Variants in ITK observed in about 807,000 individuals in gnomAD.
ITK encodes the protein IL2 inducible T cell kinase, also known as tyrosine-protein kinase ITK/TSK.
Under a neutral mutation model 87.6 loss-of-function variants are expected in ITK, and 45 were observed. The observed-to-expected ratio is 0.51, with a 90% confidence interval of 0.40 to 0.66. ITK has a LOEUF of 0.66. ITK is among the 30% of genes least tolerant of loss of function. The pLI is 0.00. For synonymous variants in ITK, 303 were observed against 273.6 expected, an observed-to-expected ratio of 1.11 and a Z score of -1.06; for missense variants, 605 against 766.3, an observed-to-expected ratio of 0.79 and a Z score of 2.48.
chr5:157,194,805 G>A (rs1378560166), intron 1 of ITK, among the ~76,000 whole-genome samples: 1 of 152,162 alleles, frequency 6.6e-6, no homozygotes, highest in Non-Finnish European at 1.5e-5. Context: ...GAAAAAATAA[G>A]TCAATTGAAA....
rs939438122 is a variant in ITK at position 157,208,359 on chromosome 5, G to A, written c.139-530G>A. Among the ~76,000 whole-genome samples, 6 of 152,236 alleles carry A rather than the reference G, an allele frequency of 3.9e-5. No homozygotes were observed. In the South Asian group the frequency reaches 8.3e-4, roughly 21 times the overall value. On this transcript the variant is annotated intron_variant, in intron 1 of 16. Transcript: ENST00000422843. ...GGAGGTTGGGGAGGACATGGAGAAG[G>A]GATAGTTATAGATCAGAGTCAGGAA...
At chr5:157,215,321 T>A (rs1754277341) in intron 4 of ITK, among the ~76,000 whole-genome samples, 1 of 152,202 alleles carries the variant, frequency 6.6e-6, no homozygotes, top group African/African-American at 2.4e-5. Flanking sequence ...TACTGAAAAT[T>A]GGCAACCCAA....
intron 10 of ITK, 178 bp downstream of exon 10, chr5:157,240,373 A>T: frequency 1.5e-6 from 1 of 656,858 alleles, no homozygotes; most frequent in African/African-American, 1.8e-5. Context: ...CCTTATAAGA[A>T]TCAAATGCCT....
At position 157,211,202 on chromosome 5, in the gene ITK, C is replaced by A. The variant is rs912915751; in HGVS notation, c.244-85C>A. On this transcript the variant is annotated intron_variant, in intron 2 of 16. Coordinates refer to ENST00000422843, the MANE Select transcript of ITK (RefSeq NM_005546.4). ...CCTATATGACGATAAACACCCGAGA[C>A]CCCACTCTCGGCTCAGTAGGTCTGC... The A allele has an allele frequency of 8.2e-5, 90 of 1,098,686 alleles. 1 individual carries two copies. In the Middle Eastern group the frequency reaches 1.7e-3, roughly 20 times the overall value. 68.1% of individuals were successfully genotyped at this position (1,098,686 alleles called of 1,614,324 possible). A position where few individuals can be genotyped will look rare whatever the true frequency, so the allele number is the denominator to read the frequency against.
At chr5:157,206,763 A>G (rs1020710898) in intron 1 of ITK, among the ~76,000 whole-genome samples, 3 of 151,904 alleles carry the variant, frequency 2.0e-5, no homozygotes, top group African/African-American at 7.3e-5. Context: ...GTTTAATTGG[A>G]TCTTCCTTCT....
rs1046746119 is a variant in ITK, at chr5:157,224,802, A to G, written c.647+1788A>G. Among the ~76,000 whole-genome samples the G allele has an allele frequency of 3.3e-5, 5 of 152,234 alleles. No homozygotes were observed. The South Asian group carries it at 1.0e-3, about 32-fold the overall frequency. On this transcript the variant is annotated intron_variant, in intron 6 of 16. Transcript: ENST00000422843. Reference sequence around the variant, plus strand: ...TCTCAAAAATAATCATAATAATAATAATTGCACAATCTTAGAATGTATGAT... The same window carrying G: ...TCTCAAAAATAATCATAATAATAATGATTGCACAATCTTAGAATGTATGAT...
At chr5:157,204,111 A>C (rs1754031098) in intron 1 of ITK, among the ~76,000 whole-genome samples, 1 of 152,156 alleles carries the variant, frequency 6.6e-6, no homozygotes, top group Non-Finnish European at 1.5e-5. Flanking sequence ...TATGGGCCCA[A>C]GTGATTCTCC....
Position 157,221,813 on chromosome 5 carries a change from C to CCATTTA in ITK, c.496-1047_496-1042dup, listed in dbSNP as rs1337072657. ...GCCATCCACTCTTGTCCATAGCACC[C>CCATTTA]CATTTACACATCCTCACAAGCTCCA... is the stretch of plus-strand genomic sequence containing the variant. On this transcript the variant is annotated intron_variant, in intron 5 of 16. Coordinates refer to ENST00000422843, the MANE Select transcript of ITK (RefSeq NM_005546.4). 2.0e-5 allele frequency among the ~76,000 whole-genome samples: 3 copies of CCATTTA among 152,206 alleles called. No individual in the cohort carries two copies. In the East Asian group the frequency reaches 5.8e-4, roughly 29 times the overall value.
intron 1 of ITK, among the ~76,000 whole-genome samples, chr5:157,206,138 A>G (rs1754075211): frequency 6.6e-6 from 1 of 151,846 alleles, no homozygotes; most frequent in African/African-American, 2.4e-5. Context: ...AATTTTTTGT[A>G]GAAACAGAGT....
intron 1 of ITK, among the ~76,000 whole-genome samples, chr5:157,207,372 C>A: frequency 7.9e-6 from 1 of 126,468 alleles, no homozygotes; most frequent in Admixed American, 8.5e-5. Context: ...TATCTAGATA[C>A]GTCTCTTTTT....
At chr5:157,221,974 G>T (rs1754427409) in intron 5 of ITK, among the ~76,000 whole-genome samples, 1 of 151,888 alleles carries the variant, frequency 6.6e-6, no homozygotes, top group Admixed American at 6.6e-5. Context: ...AACATAGTGA[G>T]ACCCTGTCTC....
At chr5:157,189,803 C>T (rs1019666458) in intron 1 of ITK, among the ~76,000 whole-genome samples, 3 of 152,216 alleles carry the variant, frequency 2.0e-5, no homozygotes, top group Admixed American at 1.3e-4. Flanking sequence ...TAAAGCTCTT[C>T]GCAAATGTTC....
In ITK at chr5:157,243,793, A is replaced by G; in HGVS notation, c.1231A>G (p.Met411Val). 1 of 1,613,620 alleles carries G rather than the reference A, an allele frequency of 6.2e-7. No individual in the cohort carries two copies. Among genetic ancestry groups the G allele is most frequent in the Non-Finnish European group, 8.5e-7 (1 of 1,179,636 alleles). Reference protein sequence around the residue: ...EDFIEEAEVMMKLSHPKLVQL... With the variant: ...EDFIEEAEVMVKLSHPKLVQL... The stretch of plus-strand genomic sequence containing the variant: ...CTTCATAGAGGAGGCTGAAGTAATG[A>G]TGTGAGTGCTCAGAACAAGGATATG... The change falls in exon 12 of 17, where the codon ATG (methionine) becomes GTG (valine). Residue 411 changes from methionine (M) to valine (V), a missense_variant and splice_region_variant. By Grantham distance (21) the Met-to-Val change is conservative. Around this residue, in one of 3 missense-constraint regions of ITK, gnomAD observed 464 missense variants for 578.0 expected, o/e 0.80. Coordinates refer to ENST00000422843, the MANE Select transcript of ITK (RefSeq NM_005546.4).
intron 1 of ITK, among the ~76,000 whole-genome samples, chr5:157,205,975 CTTT>C (rs36004184): frequency 1.8e-4 from 20 of 111,448 alleles, no homozygotes; most frequent in Admixed American, 4.9e-4. Context: ...AAGGATTAGC[CTTT>C]TTTTTTTTTT....
At position 157,244,279 on chromosome 5, in the gene ITK, A is replaced by C. The variant is rs1391284200; in HGVS notation, c.1250A>C (p.Lys417Thr). ...TCCTCCAGGAAACTCTCTCATCCCA[A>C]ACTGGTGCAGCTGTATGGGGTGTGC... ...AEVMMKLSHPKLVQLYGVCLE... is the reference protein window; with the variant it reads ...AEVMMKLSHPTLVQLYGVCLE... Residue 417 changes from lysine to threonine, a missense_variant, in exon 13 of 17, where the codon AAA becomes ACA. Lys to Thr is a moderately conservative substitution (Grantham distance 78). This residue lies in a region of ITK where 464 missense variants were observed against 578.0 expected (regional missense o/e 0.80). Coordinates refer to ENST00000422843, the MANE Select transcript of ITK (RefSeq NM_005546.4). 12 of 1,614,064 alleles carry C rather than the reference A, an allele frequency of 7.4e-6. No homozygotes were observed. The highest frequency in any genetic ancestry group is 1.0e-5 in the Non-Finnish European group (12 of 1,179,978).
In ITK at chr5:157,232,409, C is replaced by T. The variant is rs753937397; in HGVS notation, c.768+15C>T. On this transcript the variant is annotated intron_variant, in intron 8 of 16. Transcript: ENST00000422843. Reference sequence around the variant, plus strand: ...TTTTGGACACAGTAAGTCTCCTTAACCTGTCTTTTGACATAAAATAAAATG... The same window carrying T: ...TTTTGGACACAGTAAGTCTCCTTAATCTGTCTTTTGACATAAAATAAAATG... 3.2e-6 allele frequency: 5 copies of T among 1,572,600 alleles called. No homozygotes were observed. The highest frequency in any genetic ancestry group is 4.4e-6 in the Non-Finnish European group (5 of 1,144,124).
At chr5:157,226,901 C>T (rs1010782694) in intron 6 of ITK, among the ~76,000 whole-genome samples, 3 of 152,114 alleles carry the variant, frequency 2.0e-5, no homozygotes, top group Non-Finnish European at 4.4e-5. Flanking sequence ...ACTGCCCCCA[C>T]CCGCCACCAC....
chr5:157,237,585 G>A (rs1279454075), intron 8 of ITK, among the ~76,000 whole-genome samples: 1 of 152,228 alleles, frequency 6.6e-6, no homozygotes, highest in East Asian at 1.9e-4. Flanking sequence ...TTTCAGGACA[G>A]TTTTGTGCCT....
At chr5:157,239,195 C>T (rs1306344348) in intron 9 of ITK, among the ~76,000 whole-genome samples, 1 of 152,106 alleles carries the variant, frequency 6.6e-6, no homozygotes, top group Non-Finnish European at 1.5e-5. Context: ...ACTAGGAGGC[C>T]TTCCAGGACA....
Sources: gnomAD v4.1 joint callset for allele counts (sites outside exome capture counted in the v4.1 genomes callset) on GRCh38, gnomAD v4.1.1 for gene constraint, gnomAD v4.1.1 regional missense constraint, MANE v1.5 for transcripts, NCBI Gene and HGNC (gene_info 2026-07-23, HGNC 2026-07-21) for gene names.